Variants in OTUD7A observed in about 807,000 individuals in gnomAD.
The protein encoded by OTUD7A is OTU deubiquitinase 7A, also known as OTU domain-containing protein 7A.
Under a neutral mutation model 65.7 loss-of-function variants are expected in OTUD7A, and 12 were observed. The ratio of observed to expected loss-of-function variants is 0.18; its 90% CI spans 0.12 to 0.30. The LOEUF is 0.30. Ranked by LOEUF, OTUD7A falls within the 10% of genes least tolerant of loss-of-function variation. The probability of loss-of-function intolerance (pLI) is 1.00; values close to 1 mark genes in which losing one functional copy is unlikely to be tolerated. For missense variants in OTUD7A, 1,148 were observed against 1,304.8 expected (o/e 0.88, Z 1.85); for synonymous variants, 641 against 586.3 (o/e 1.09, Z -1.35).
intron 1 of OTUD7A, among the ~76,000 whole-genome samples, chr15:31,665,897 G>C (rs1892305835): frequency 6.6e-6 from 1 of 152,132 alleles, no homozygotes; most frequent in African/African-American, 2.4e-5. Context: ...TGCTTTTTCT[G>C]CATCTATCGA....
chr15:31,527,089 TG>T, intron 7 of OTUD7A, 91 bp downstream of exon 7: 1 of 1,552,428 alleles, frequency 6.4e-7, no homozygotes, highest in Non-Finnish European at 8.7e-7. Context: ...TAAGACTGTC[TG>T]GGGCCTGGAG....
intron 1 of OTUD7A, among the ~76,000 whole-genome samples, chr15:31,749,743 T>C (rs78788369): frequency 6.7e-6 from 1 of 148,644 alleles, no homozygotes; most frequent in Non-Finnish European, 1.5e-5. Flanking sequence ...AGGTGTACAA[T>C]TTTTTTTTTT....
intron 1 of OTUD7A, among the ~76,000 whole-genome samples, chr15:31,804,139 A>G (rs1011754182): frequency 1.2e-4 from 19 of 152,220 alleles, no homozygotes; most frequent in Non-Finnish European, 2.2e-4. Context: ...ACTCTTCAGG[A>G]TGGCTTCCAA....
intron 3 of OTUD7A, among the ~76,000 whole-genome samples, chr15:31,589,620 T>C (rs1889659527): frequency 1.3e-5 from 2 of 152,018 alleles, no homozygotes; most frequent in African/African-American, 2.4e-5. Context: ...CTCATTTTGT[T>C]TGCATTTTTT....
intron 5 of OTUD7A, among the ~76,000 whole-genome samples, chr15:31,540,673 A>G (rs1380935382): frequency 6.6e-6 from 1 of 152,228 alleles, no homozygotes; most frequent in Non-Finnish European, 1.5e-5. Flanking sequence ...AGCCCCATAT[A>G]TGTATTATGC....
intron 1 of OTUD7A, among the ~76,000 whole-genome samples, chr15:31,669,192 G>C (rs577923998): frequency 6.6e-6 from 1 of 152,216 alleles, no homozygotes; most frequent in Non-Finnish European, 1.5e-5. Flanking sequence ...AGAACCAGTG[G>C]TGGGTGGGGC....
chr15:31,625,272 T>A (rs1238847263), intron 3 of OTUD7A, among the ~76,000 whole-genome samples: 1 of 152,168 alleles, frequency 6.6e-6, no homozygotes. Flanking sequence ...TACACCACGC[T>A]TGGATTTATG....
chr15:31,486,606 C>T (rs2041240463), intron 12 of OTUD7A, among the ~76,000 whole-genome samples: 1 of 60,466 alleles, frequency 1.7e-5, no homozygotes, highest in South Asian at 3.7e-4. Flanking sequence ...AGGGGCAGCC[C>T]CGGACCCTCT....
intron 3 of OTUD7A, among the ~76,000 whole-genome samples, chr15:31,592,944 T>A: frequency 2.1e-5 from 2 of 94,950 alleles, no homozygotes; most frequent in Non-Finnish European, 1.8e-5. Context: ...TATGTATATA[T>A]ACACGTGTAT....
At chr15:31,659,305 C>T (rs894191149) in intron 1 of OTUD7A, among the ~76,000 whole-genome samples, 1 of 152,062 alleles carries the variant, frequency 6.6e-6, no homozygotes, top group African/African-American at 2.4e-5. Flanking sequence ...GGACAGCAAA[C>T]AGGGTAGTGA....
chr15:31,625,411 T>TA (rs796492835), intron 3 of OTUD7A, among the ~76,000 whole-genome samples: 177 of 139,356 alleles, frequency 1.3e-3, no homozygotes, highest in East Asian at 1.4e-3. Flanking sequence ...ATTCCTGATT[T>TA]AAAAAAAAAA....
chr15:31,756,202 T>G (rs1027170837), intron 1 of OTUD7A, among the ~76,000 whole-genome samples: 59 of 152,366 alleles, frequency 3.9e-4, no homozygotes, highest in Non-Finnish European at 1.2e-4. Context: ...TTTTTCTTTC[T>G]AAACACAGAA....
rs777843741 is a variant in OTUD7A at position 31,570,079 on chromosome 15, C to G, written c.270G>C (p.Glu90Asp). 7 of 1,614,228 alleles carry G rather than the reference C, an allele frequency of 4.3e-6. No individual in the cohort carries two copies. In the South Asian group the frequency reaches 7.7e-5, roughly 18 times the overall value. ...GCTCCACCTTGTGCCCGGGCTGTGG[C>G]TCTCGCTCTGGCTGCTTGGGACCCC... ...EGRGPKQPER[E>D]PQPGHKVERP... is the part of the protein sequence containing the mutation. The change falls in exon 4 of 13, where the codon GAG (glutamate) becomes GAC (aspartate). Residue 90 changes from glutamate to aspartate, a missense_variant. By Grantham distance (45) the Glu-to-Asp change is conservative. Coordinates refer to ENST00000307050, the MANE Select transcript of OTUD7A (RefSeq NM_001382637.1).
At chr15:31,546,464 A>G (rs1373011512) in intron 5 of OTUD7A, among the ~76,000 whole-genome samples, 2 of 152,192 alleles carry the variant, frequency 1.3e-5, no homozygotes, top group African/African-American at 4.8e-5. Context: ...TGTTTGTATA[A>G]AAGACTCTAG....
At chr15:31,831,969 G>C (rs1391852224) in intron 1 of OTUD7A, among the ~76,000 whole-genome samples, 1 of 152,088 alleles carries the variant, frequency 6.6e-6, no homozygotes, top group Non-Finnish European at 1.5e-5. Flanking sequence ...AAGGGCTGGG[G>C]CAGGGCATGA....
chr15:31,842,535 A>G (rs774392676), intron 1 of OTUD7A, among the ~76,000 whole-genome samples: 1 of 152,164 alleles, frequency 6.6e-6, no homozygotes, highest in Non-Finnish European at 1.5e-5. Context: ...GTTTCAATGG[A>G]GACTGTACTA....
intron 1 of OTUD7A, among the ~76,000 whole-genome samples, chr15:31,687,145 C>T (rs1235442730): frequency 6.6e-6 from 1 of 150,846 alleles, no homozygotes; most frequent in African/African-American, 2.4e-5. Context: ...CAAATAAAAG[C>T]CCAATTGGTT....
At chr15:31,738,310 C>T (rs915498206) in intron 1 of OTUD7A, among the ~76,000 whole-genome samples, 2 of 152,056 alleles carry the variant, frequency 1.3e-5, no homozygotes, top group Non-Finnish European at 2.9e-5. Flanking sequence ...TATCTCCCAT[C>T]TTTATAACTG....
chr15:31,795,727 G>A (rs1337001450), intron 1 of OTUD7A, among the ~76,000 whole-genome samples: 10 of 152,208 alleles, frequency 6.6e-5, no homozygotes, highest in Non-Finnish European at 1.0e-4. Context: ...ACTGGTGCTA[G>A]GAGCACAGCA....
Sources: gnomAD v4.1 joint callset for allele counts (sites outside exome capture counted in the v4.1 genomes callset) on GRCh38, gnomAD v4.1.1 for gene constraint, MANE v1.5 for transcripts, NCBI Gene and HGNC (gene_info 2026-07-23, HGNC 2026-07-21) for gene names.